ASCC1: variants seen among roughly 807,000 people sequenced by gnomAD.
ASCC1 encodes activating signal cointegrator 1 complex subunit 1, also known as ASC-1 complex subunit P50.
A neutral mutation model predicts 46.6 loss-of-function variants in ASCC1; 35 were observed. The ratio of observed to expected loss-of-function variants is 0.75; its 90% CI spans 0.57 to 0.99. The LOEUF (loss-of-function observed/expected upper bound fraction) is 0.99, where lower values mean the gene tolerates loss of function less well. Ranked by LOEUF, ASCC1 falls within the 50% of genes least tolerant of loss-of-function variation. The pLI, the probability that ASCC1 is intolerant of heterozygous loss-of-function variation, is 0.00. For synonymous variants in ASCC1, 143 were observed against 146.6 expected (o/e 0.98, Z 0.18); for missense variants, 376 against 428.7 (o/e 0.88, Z 1.09).
At chr10:72,199,446 C>T (rs1174501764) in intron 4 of ASCC1, among the ~76,000 whole-genome samples, 1 of 151,932 alleles carries the variant, frequency 6.6e-6, no homozygotes, top group Non-Finnish European at 1.5e-5. Context: ...TACAGGTGTG[C>T]ACCACCATGC....
intron 5 of ASCC1, among the ~76,000 whole-genome samples, chr10:72,171,931 G>T (rs546517949): frequency 6.6e-6 from 1 of 152,232 alleles, no homozygotes; most frequent in East Asian, 1.9e-4. Flanking sequence ...GAAAACTAAG[G>T]ATGTGATTAC....
At chr10:72,167,928 C>T (rs1001435507) in intron 5 of ASCC1, among the ~76,000 whole-genome samples, 3 of 152,148 alleles carry the variant, frequency 2.0e-5, no homozygotes, top group Non-Finnish European at 4.4e-5. Context: ...TGGTGGCTTA[C>T]CCCTGTAATC....
chr10:72,144,550 C>T (rs1304350509), intron 7 of ASCC1, among the ~76,000 whole-genome samples: 1 of 152,084 alleles, frequency 6.6e-6, no homozygotes, highest in African/African-American at 2.4e-5. Flanking sequence ...TTTTCCCATG[C>T]TTCTTGTCCC....
At chr10:72,109,833 T>A (rs180732571) in intron 9 of ASCC1, among the ~76,000 whole-genome samples, 4 of 152,336 alleles carry the variant, frequency 2.6e-5, no homozygotes, top group Non-Finnish European at 1.5e-5. Flanking sequence ...GAAAAGAGGC[T>A]ACGCTGACCC....
Position 72,135,861 on chromosome 10 carries a change from T to C in ASCC1, c.747-2680A>G, listed in dbSNP as rs145378994. 2.6e-3 allele frequency among the ~76,000 whole-genome samples: 390 copies of C among 152,194 alleles called. 4 individuals are homozygous for C. The highest frequency in any genetic ancestry group is 8.3e-3 in the African/African-American group (346 of 41,516). ...ATGTTTCTCCTGAGTATTTGAGAGA[T>C]TGAATGTCAAAGAACACAATACATT... is the stretch of plus-strand genomic sequence containing the variant. On this transcript the variant is annotated intron_variant, in intron 7 of 9. Transcript: ENST00000672957.
chr10:72,139,722 C>A (rs1273108675), intron 7 of ASCC1, among the ~76,000 whole-genome samples: 1 of 152,170 alleles, frequency 6.6e-6, no homozygotes, highest in Non-Finnish European at 1.5e-5. Context: ...AGAATGATCA[C>A]TGACTGCCTA....
chr10:72,122,700 T>C (rs747761118), intron 9 of ASCC1, among the ~76,000 whole-genome samples: 2 of 149,042 alleles, frequency 1.3e-5, no homozygotes, highest in African/African-American at 2.5e-5. Flanking sequence ...ATTACTTGAG[T>C]CCATGAGTTC....
At chr10:72,175,572 A>G (rs142720516) in intron 5 of ASCC1, among the ~76,000 whole-genome samples, 12 of 152,378 alleles carry the variant, frequency 7.9e-5, no homozygotes, top group African/African-American at 2.4e-4. Flanking sequence ...TTATTCATAC[A>G]TAATTACAAG....
At chr10:72,155,047 C>T (rs892961988) in intron 6 of ASCC1, among the ~76,000 whole-genome samples, 14 of 151,918 alleles carry the variant, frequency 9.2e-5, no homozygotes, top group African/African-American at 3.4e-4. Context: ...AGGTTTACAA[C>T]AATGTGCATG....
chr10:72,172,942 A>T (rs1361952378), intron 5 of ASCC1, among the ~76,000 whole-genome samples: 9 of 135,808 alleles, frequency 6.6e-5, no homozygotes, highest in African/African-American at 1.6e-4. Context: ...ATTTTATATT[A>T]TATATTATAT....
At chr10:72,100,052 T>C (rs759764872) in intron 9 of ASCC1, among the ~76,000 whole-genome samples, 1 of 152,166 alleles carries the variant, frequency 6.6e-6, no homozygotes, top group Non-Finnish European at 1.5e-5. Context: ...GCCATGTTCT[T>C]TCATACCTTT....
At chr10:72,177,811 G>T (rs534062578) in intron 5 of ASCC1, among the ~76,000 whole-genome samples, 39 of 152,114 alleles carry the variant, frequency 2.6e-4, no homozygotes, top group Admixed American at 3.9e-4. Context: ...AGAGACGAAA[G>T]AATGAAAAAA....
intron 7 of ASCC1, among the ~76,000 whole-genome samples, chr10:72,146,551 A>G (rs1847651778): frequency 6.6e-6 from 1 of 152,218 alleles, no homozygotes. Context: ...TGAGAGGGAC[A>G]AGGGACAAAG....
At chr10:72,149,494 A>G (rs1848076002) in intron 7 of ASCC1, among the ~76,000 whole-genome samples, 1 of 144,264 alleles carries the variant, frequency 6.9e-6, no homozygotes, top group African/African-American at 3.0e-5. Flanking sequence ...TAATGAATAA[A>G]CAAGTAAATT....
chr10:72,198,432 G>A, intron 4 of ASCC1: 1 of 373,714 alleles, frequency 2.7e-6, no homozygotes, highest in Non-Finnish European at 5.2e-6. Context: ...AAGAAAGAAG[G>A]CAAGGCATGC....
At position 72,139,114 on chromosome 10, in the gene ASCC1, CTT is replaced by C. The variant is rs1222967667; in HGVS notation, c.747-5935_747-5934del. On this transcript the variant is annotated intron_variant, in intron 7 of 9. Transcript: ENST00000672957. ...GTCACTATATTTCTTTTTTCTTTTT[CTT>C]TTTTTTTTTTTTTTTGAGACGGCGT... is the stretch of plus-strand genomic sequence containing the variant. 9.4e-4 allele frequency among the ~76,000 whole-genome samples: 123 copies of C among 130,662 alleles called. 1 individual carries two copies. The highest frequency in any genetic ancestry group is 3.3e-3 in the African/African-American group (108 of 32,768). The allele number at this position is 130,662 out of a possible 152,430, so 85.7% of individuals were successfully genotyped here.
intron 5 of ASCC1, among the ~76,000 whole-genome samples, chr10:72,182,431 C>G (rs1324314872): frequency 1.3e-5 from 2 of 152,114 alleles, no homozygotes; most frequent in Non-Finnish European, 2.9e-5. Context: ...GGACTGGTTG[C>G]TGTCTCACCT....
intron 9 of ASCC1, among the ~76,000 whole-genome samples, chr10:72,098,035 T>C (rs774786139): frequency 7.9e-5 from 12 of 152,290 alleles, no homozygotes; most frequent in Non-Finnish European, 1.8e-4. Flanking sequence ...ACAGAACAAG[T>C]ACAAGTGATT....
intron 3 of ASCC1, among the ~76,000 whole-genome samples, chr10:72,203,917 A>G (rs1368923495): frequency 6.6e-6 from 1 of 152,202 alleles, no homozygotes; most frequent in Non-Finnish European, 1.5e-5. Context: ...CAGGAGTTTG[A>G]GACCAGCCTG....
Sources: gnomAD v4.1 joint callset for allele counts (sites outside exome capture counted in the v4.1 genomes callset) on GRCh38, gnomAD v4.1.1 for gene constraint, MANE v1.5 for transcripts, NCBI Gene and HGNC (gene_info 2026-07-23, HGNC 2026-07-21) for gene names.